SLC26A7: variants seen among roughly 807,000 people sequenced by gnomAD.
SLC26A7 encodes the protein solute carrier family 26 member 7.
SLC26A7 carries 59 observed loss-of-function variants against 82.5 expected under a neutral mutation model. That is an observed-to-expected ratio of 0.72 (90% CI 0.58 to 0.89). SLC26A7 has a LOEUF of 0.89. Among genes scored for constraint, SLC26A7 ranks in the 40% least tolerant of loss-of-function variants. SLC26A7 has a pLI of 0.00. For synonymous variants in SLC26A7, 271 were observed against 274.3 expected (o/e 0.99, Z 0.12); for missense variants, 820 against 793.0 (o/e 1.03, Z -0.41).
chr8:91,281,842 A>C (rs1313349168), intron 2 of SLC26A7, among the ~76,000 whole-genome samples: 1 of 152,172 alleles, frequency 6.6e-6, no homozygotes, highest in Non-Finnish European at 1.5e-5. Flanking sequence ...CCACAATGAT[A>C]GTAGTATTGT....
At chr8:91,257,290 T>C (rs1366649369) in intron 2 of SLC26A7, among the ~76,000 whole-genome samples, 1 of 152,116 alleles carries the variant, frequency 6.6e-6, no homozygotes, top group Non-Finnish European at 1.5e-5. Context: ...GATGAAATGT[T>C]TGAATGAAAT....
At chr8:91,258,662 TAA>T (rs143214425) in intron 2 of SLC26A7, among the ~76,000 whole-genome samples, 4,593 of 152,182 alleles carry the variant, frequency 0.03, 94 homozygotes, top group African/African-American at 0.051. Flanking sequence ...ATAATGACCC[TAA>T]GAGTTTGATA....
At chr8:91,363,130 A>G (rs1397454510) in intron 12 of SLC26A7, among the ~76,000 whole-genome samples, 1 of 152,048 alleles carries the variant, frequency 6.6e-6, no homozygotes, top group African/African-American at 2.4e-5. Flanking sequence ...ATCCAGTCCT[A>G]TCTTGCCATT....
chr8:91,214,067 G>A (rs1809990840), intron 1 of SLC26A7, among the ~76,000 whole-genome samples: 1 of 152,104 alleles, frequency 6.6e-6, no homozygotes, highest in African/African-American at 2.4e-5. Context: ...ATAGTGTGCT[G>A]GCTTAGTTGA....
chr8:91,261,330 C>T (rs1252469324), intron 2 of SLC26A7, among the ~76,000 whole-genome samples: 1 of 152,044 alleles, frequency 6.6e-6, no homozygotes, highest in Non-Finnish European at 1.5e-5. Context: ...GAAATGCGTA[C>T]AAAAGTATAT....
intron 5 of SLC26A7, among the ~76,000 whole-genome samples, chr8:91,331,117 T>C (rs930163009): frequency 6.6e-6 from 1 of 152,090 alleles, no homozygotes; most frequent in African/African-American, 2.4e-5. Context: ...CCCACCCATA[T>C]GATCTCATTT....
Position 91,274,578 on chromosome 8 carries a change from A to G in SLC26A7, c.194-14558A>G, listed in dbSNP as rs116551484. Among the ~76,000 whole-genome samples the G allele has an allele frequency of 1.5e-3, 233 of 152,372 alleles. 1 individual carries two copies. Among genetic ancestry groups the G allele is most frequent in the African/African-American group, 5.5e-3 (228 of 41,588 alleles). On this transcript the variant is annotated intron_variant, in intron 2 of 18. Transcript: ENST00000276609. The stretch of plus-strand genomic sequence containing the variant: ...ACCTCACTCCCTCAATAATGGCATT[A>G]GTCCATTCACAAGAGTGGAGCCCTC...
rs575703536 is a variant in SLC26A7 at position 91,375,487 on chromosome 8, T to A, written c.1675+5654T>A. Among the ~76,000 whole-genome samples the A allele has an allele frequency of 7.9e-4, 120 of 152,242 alleles. 1 individual carries two copies. The highest frequency in any genetic ancestry group is 2.8e-3 in the African/African-American group (115 of 41,578). On this transcript the variant is annotated intron_variant, in intron 15 of 18. Transcript: ENST00000276609. ...CTATTTCTCCTTCTTTTATGAAGCT[T>A]AGTTTGATAGAATATAAAATTCTTG... is the stretch of plus-strand genomic sequence containing the variant.
At chr8:91,319,377 T>C (rs1476918188) in intron 5 of SLC26A7, among the ~76,000 whole-genome samples, 1 of 152,238 alleles carries the variant, frequency 6.6e-6, no homozygotes, top group Non-Finnish European at 1.5e-5. Context: ...TTATGGCTAT[T>C]TTTTAAGTGA....
At chr8:91,385,067 A>G (rs1814763759) in intron 15 of SLC26A7, among the ~76,000 whole-genome samples, 1 of 152,226 alleles carries the variant, frequency 6.6e-6, no homozygotes, top group Admixed American at 6.5e-5. Context: ...AATATTCCAC[A>G]GGAGAGAGCT....
At chr8:91,368,393 C>T (rs1814253211) in intron 14 of SLC26A7, among the ~76,000 whole-genome samples, 3 of 150,578 alleles carry the variant, frequency 2.0e-5, no homozygotes, top group Admixed American at 2.0e-4. Flanking sequence ...AATTCTTTTG[C>T]AAGGGAGATT....
At chr8:91,363,043 A>G (rs1216191789) in intron 12 of SLC26A7, among the ~76,000 whole-genome samples, 2 of 152,066 alleles carry the variant, frequency 1.3e-5, no homozygotes, top group Non-Finnish European at 2.9e-5. Context: ...TGTTTGTGAA[A>G]TAATGTATTC....
At position 91,225,643 on chromosome 8, in the gene SLC26A7, GTTTTTTTTTTTTTTTT is replaced by G. The variant is rs55732709; in HGVS notation, c.-34+6655_-34+6670del. On this transcript the variant is annotated intron_variant, in intron 2 of 5. Coordinates refer to the SLC26A7 transcript ENST00000522862. ...TCTTGGCCCTGCCCCCTAGAAAAGT[GTTTTTTTTTTTTTTTT>G]TTTTTTTTTTTTTTTTACCATTTTA... Among the ~76,000 whole-genome samples, 20 of 36,132 alleles carry G rather than the reference GTTTTTTTTTTTTTTTT, an allele frequency of 5.5e-4. 1 individual carries two copies. The highest frequency in any genetic ancestry group is 4.2e-3 in the South Asian group (2 of 472). 23.7% of individuals were successfully genotyped at this position (36,132 alleles called of 152,430 possible). A position where few individuals can be genotyped will look rare whatever the true frequency, so the allele number is the denominator to read the frequency against.
intron 5 of SLC26A7, among the ~76,000 whole-genome samples, chr8:91,328,756 G>A (rs962316721): frequency 2.0e-5 from 3 of 152,052 alleles, no homozygotes; most frequent in African/African-American, 7.2e-5. Context: ...TATTGTATAT[G>A]TGTGTGTATG....
At chr8:91,363,560 C>A (rs752172959) in intron 13 of SLC26A7, 22 bp downstream of exon 13, 2 of 1,351,858 alleles carry the variant, frequency 1.5e-6, no homozygotes, top group Non-Finnish European at 2.0e-6. Flanking sequence ...TTTATTTTTC[C>A]TTTATGCAAT....
intron 2 of SLC26A7, among the ~76,000 whole-genome samples, chr8:91,221,597 C>G (rs1301884096): frequency 1.3e-5 from 2 of 152,174 alleles, no homozygotes; most frequent in Non-Finnish European, 2.9e-5. Context: ...TATGGCTAGC[C>G]AGTTCTCCCA....
chr8:91,239,395 A>AATATATATATATATATAT (rs1554600120), intron 2 of SLC26A7, among the ~76,000 whole-genome samples: 4 of 94,854 alleles, frequency 4.2e-5, no homozygotes, highest in African/African-American at 1.1e-4. Flanking sequence ...AAAAAAAAAA[A>AATATATATATATATATAT]ATATATATAT....
At chr8:91,274,280 T>C (rs1251188635) in intron 2 of SLC26A7, among the ~76,000 whole-genome samples, 1 of 152,184 alleles carries the variant, frequency 6.6e-6, no homozygotes, top group African/African-American at 2.4e-5. Flanking sequence ...AGATTTTTAT[T>C]TGGATTTGTC....
chr8:91,291,842 C>T (rs1324050272), intron 3 of SLC26A7, among the ~76,000 whole-genome samples: 2 of 152,200 alleles, frequency 1.3e-5, no homozygotes, highest in African/African-American at 4.8e-5. Context: ...AGTCATTCAA[C>T]ATTAAAGCCG....
Sources: gnomAD v4.1 joint callset for allele counts (sites outside exome capture counted in the v4.1 genomes callset) on GRCh38, gnomAD v4.1.1 for gene constraint, MANE v1.5 for transcripts, NCBI Gene and HGNC (gene_info 2026-07-23, HGNC 2026-07-21) for gene names.